SPIDR: variants seen among roughly 807,000 people sequenced by gnomAD.
SPIDR encodes the protein DNA repair-scaffolding protein.
SPIDR carries 93 observed loss-of-function variants against 104.6 expected under a neutral mutation model. That is an observed-to-expected ratio of 0.89 (90% CI 0.75 to 1.06). The LOEUF is 1.06. SPIDR is among the 50% of genes least tolerant of loss of function. The pLI, the probability that SPIDR is intolerant of heterozygous loss-of-function variation, is 0.00. For missense variants in SPIDR, 1,154 were observed against 1,111.2 expected, an observed-to-expected ratio of 1.04 and a Z score of -0.55; for synonymous variants, 431 against 416.9, an observed-to-expected ratio of 1.03 and a Z score of -0.41.
rs529902157 is a variant in SPIDR, at chr8:47,615,539, C to T, written c.1544+16343C>T. Among the ~76,000 whole-genome samples, 3 of 138,764 alleles carry T rather than the reference C, an allele frequency of 2.2e-5. No homozygotes were observed. In the South Asian group the frequency reaches 6.9e-4, roughly 32 times the overall value. 91.0% of individuals were successfully genotyped at this position (138,764 alleles called of 152,430 possible). On this transcript the variant is annotated intron_variant, in intron 10 of 19. Coordinates refer to ENST00000297423, the MANE Select transcript of SPIDR (RefSeq NM_001080394.4). ...ACAGGCTGGAATACAGTGGCACTAT[C>T]TTGGCTCACTGCAACCTCCGCCTCT...
intron 5 of SPIDR, among the ~76,000 whole-genome samples, chr8:47,314,560 G>A (rs1554588126): frequency 6.6e-6 from 1 of 152,154 alleles, no homozygotes; most frequent in African/African-American, 2.4e-5. Flanking sequence ...TGAGAGCAAA[G>A]TTGGGGGAAA....
chr8:47,369,533 G>A (rs1360019418), intron 5 of SPIDR, among the ~76,000 whole-genome samples: 1 of 152,134 alleles, frequency 6.6e-6, no homozygotes, highest in Non-Finnish European at 1.5e-5. Flanking sequence ...GGCCACTTCT[G>A]TCTTGGGTGC....
At chr8:47,660,943 C>T (rs1381877584) in intron 10 of SPIDR, 1 of 985,282 alleles carries the variant, frequency 1.0e-6, no homozygotes, top group African/African-American at 1.7e-5. Context: ...ATTTTGAGCA[C>T]AGAAGAGATG....
At chr8:47,486,549 C>CA (rs2077655735) in intron 8 of SPIDR, among the ~76,000 whole-genome samples, 1 of 152,156 alleles carries the variant, frequency 6.6e-6, no homozygotes, top group Non-Finnish European at 1.5e-5. Flanking sequence ...ACATAATTGT[C>CA]ACATTCACCA....
intron 8 of SPIDR, among the ~76,000 whole-genome samples, chr8:47,496,116 T>C (rs947892430): frequency 6.6e-6 from 1 of 152,198 alleles, no homozygotes; most frequent in Admixed American, 6.6e-5. Context: ...CTTTATTATA[T>C]ACAAGATTAC....
intron 5 of SPIDR, among the ~76,000 whole-genome samples, chr8:47,323,852 T>G (rs1270075706): frequency 6.6e-6 from 1 of 152,212 alleles, no homozygotes; most frequent in East Asian, 1.9e-4. Context: ...CACCTTTATT[T>G]ACGAAATGCT....
chr8:47,485,600 C>G (rs1270914880), intron 8 of SPIDR, among the ~76,000 whole-genome samples: 1 of 152,180 alleles, frequency 6.6e-6, no homozygotes, highest in Non-Finnish European at 1.5e-5. Context: ...GGAGGCACCC[C>G]CCAGTAGGGG....
chr8:47,509,917 T>TGC (rs1292891333), intron 8 of SPIDR, among the ~76,000 whole-genome samples: 1 of 151,650 alleles, frequency 6.6e-6, no homozygotes, highest in Non-Finnish European at 1.5e-5. Flanking sequence ...ACCACACACA[T>TGC]GCACACACAC....
chr8:47,320,368 G>C (rs1470196837), intron 5 of SPIDR, among the ~76,000 whole-genome samples: 2 of 152,092 alleles, frequency 1.3e-5, no homozygotes, highest in African/African-American at 2.4e-5. Flanking sequence ...TACATTCCTG[G>C]ACACATACAC....
chr8:47,308,907 T>C (rs998055785), intron 5 of SPIDR, among the ~76,000 whole-genome samples: 2 of 152,248 alleles, frequency 1.3e-5, no homozygotes, highest in Non-Finnish European at 2.9e-5. Context: ...TGCTAATACC[T>C]GCAAGTGATT....
rs532432838 is a variant in SPIDR at position 47,375,308 on chromosome 8, C to T, written c.526-21068C>T. ...CCAGGCTGGAGTGCAGTGGTTCAAT[C>T]GTGGCTCACCACAACCTCCACCTCC... On this transcript the variant is annotated intron_variant, in intron 5 of 19. Transcript: ENST00000297423. Among the ~76,000 whole-genome samples the T allele has an allele frequency of 1.0e-4, 12 of 115,766 alleles. No individual in the cohort carries two copies. The East Asian group carries it at 2.1e-3, about 21-fold the overall frequency. The allele number at this position is 115,766 out of a possible 152,430, so 75.9% of individuals were successfully genotyped here.
At chr8:47,534,474 TG>T (rs2154385777) in intron 8 of SPIDR, among the ~76,000 whole-genome samples, 1 of 152,334 alleles carries the variant, frequency 6.6e-6, no homozygotes, top group Admixed American at 6.5e-5. Flanking sequence ...TCATGTCTTT[TG>T]CAGGAACATG....
intron 5 of SPIDR, among the ~76,000 whole-genome samples, chr8:47,347,241 A>G (rs1343340135): frequency 6.6e-6 from 1 of 152,152 alleles, no homozygotes; most frequent in Non-Finnish European, 1.5e-5. Context: ...TTCAGTTTCC[A>G]TGTAGTTGAG....
At chr8:47,518,058 G>A (rs2083428059) in intron 8 of SPIDR, among the ~76,000 whole-genome samples, 1 of 152,058 alleles carries the variant, frequency 6.6e-6, no homozygotes, top group South Asian at 2.1e-4. Context: ...AAATTCTAAG[G>A]TTGTTAATAC....
At position 47,713,496 on chromosome 8, in the gene SPIDR, T is replaced by A. The variant is rs1589442658; in HGVS notation, c.2196T>A (p.Ile732=). The A allele has an allele frequency of 1.2e-6, 2 of 1,614,056 alleles. No homozygotes were observed. The highest frequency in any genetic ancestry group is 1.7e-6 in the Non-Finnish European group (2 of 1,180,034). ...AAGTGTCTCTGTCGGCAGGTCGGAT[T>A]GTTTGTGCTGAACGAACTGTCCTCT... The part of the protein sequence containing the change: ...FKDALRDQGR[I]VCAERTVLLL... The change falls in exon 16 of 20, where the codon ATT becomes ATA. Residue 732 remains isoleucine, a synonymous_variant. Transcript: ENST00000297423.
At chr8:47,380,068 C>G (rs552154894) in intron 5 of SPIDR, among the ~76,000 whole-genome samples, 16 of 152,332 alleles carry the variant, frequency 1.1e-4, no homozygotes, top group African/African-American at 3.6e-4. Flanking sequence ...AGCAACCTGT[C>G]TTGCCTTGGG....
At chr8:47,370,776 G>C (rs782582697) in intron 5 of SPIDR, among the ~76,000 whole-genome samples, 2 of 151,312 alleles carry the variant, frequency 1.3e-5, no homozygotes, top group African/African-American at 4.9e-5. Flanking sequence ...ATATTCTCTC[G>C]CATAGTAGAT....
At chr8:47,494,710 T>C (rs537119295) in intron 8 of SPIDR, among the ~76,000 whole-genome samples, 1 of 152,290 alleles carries the variant, frequency 6.6e-6, no homozygotes, top group East Asian at 1.9e-4. Context: ...CCACTTTGTA[T>C]TGCTTTTACT....
intron 5 of SPIDR, among the ~76,000 whole-genome samples, chr8:47,353,032 G>A (rs1017517030): frequency 1.4e-4 from 17 of 117,768 alleles, no homozygotes; most frequent in South Asian, 1.3e-3. Flanking sequence ...CCAGCCAGGC[G>A]ACAGAGCGGG....
Sources: gnomAD v4.1 joint callset for allele counts (sites outside exome capture counted in the v4.1 genomes callset) on GRCh38, gnomAD v4.1.1 for gene constraint, MANE v1.5 for transcripts, NCBI Gene and HGNC (gene_info 2026-07-23, HGNC 2026-07-21) for gene names.